The following SNTG2 variants were observed in gnomAD, a reference collection of about 807,000 sequenced individuals.
SNTG2 encodes the protein syntrophin gamma 2.
In SNTG2, 74 loss-of-function variants were observed where a neutral mutation model predicts 70.9. The ratio of observed to expected loss-of-function variants is 1.04; its 90% CI spans 0.86 to 1.27. SNTG2 has a LOEUF of 1.27. Among genes scored for constraint, SNTG2 ranks in the 50% most tolerant of loss-of-function variants. The pLI, the probability that SNTG2 is intolerant of heterozygous loss-of-function variation, is 0.00. For missense variants in SNTG2, 717 were observed against 690.7 expected, an observed-to-expected ratio of 1.04 and a Z score of -0.43; for synonymous variants, 278 against 273.8, an observed-to-expected ratio of 1.02 and a Z score of -0.15.
intron 12 of SNTG2, among the ~76,000 whole-genome samples, chr2:1,257,747 A>C (rs1572877011): frequency 6.6e-6 from 1 of 152,250 alleles, no homozygotes; most frequent in East Asian, 1.9e-4. Context: ...TGTCCATCAC[A>C]AAGATAAAGC....
intron 8 of SNTG2, among the ~76,000 whole-genome samples, chr2:1,191,708 T>C (rs1342411773): frequency 1.3e-5 from 2 of 152,106 alleles, no homozygotes; most frequent in African/African-American, 2.4e-5. Context: ...GGCAGGAGAA[T>C]CACTGGAACC....
intron 4 of SNTG2, among the ~76,000 whole-genome samples, chr2:1,101,349 C>T (rs1204736510): frequency 6.6e-6 from 1 of 152,232 alleles, no homozygotes; most frequent in Non-Finnish European, 1.5e-5. Context: ...CCTCTCCCCA[C>T]TGGGATCCAT....
intron 1 of SNTG2, among the ~76,000 whole-genome samples, chr2:973,450 G>A (rs1660809127): frequency 6.6e-6 from 1 of 151,440 alleles, no homozygotes; most frequent in African/African-American, 2.4e-5. Context: ...GTTTTGTTGA[G>A]TTTTTGCCAT....
chr2:1,185,089 G>T (rs1672164742), intron 8 of SNTG2, among the ~76,000 whole-genome samples: 1 of 152,178 alleles, frequency 6.6e-6, no homozygotes, highest in South Asian at 2.1e-4. Flanking sequence ...AGGGCTGCAG[G>T]CCCCATGCAA....
intron 6 of SNTG2, among the ~76,000 whole-genome samples, chr2:1,145,489 A>G (rs946781190): frequency 1.3e-5 from 2 of 152,226 alleles, no homozygotes; most frequent in Non-Finnish European, 2.9e-5. Context: ...AAAAAACACA[A>G]TCTGCAAAAA....
chr2:1,077,018 C>T (rs1475595047), intron 1 of SNTG2, among the ~76,000 whole-genome samples: 1 of 152,160 alleles, frequency 6.6e-6, no homozygotes, highest in African/African-American at 2.4e-5. Flanking sequence ...CTGCTTTTCA[C>T]ACATGCTTGT....
In SNTG2 at chr2:1,223,648, A is replaced by C. The variant is rs192666471; in HGVS notation, c.720-14240A>C. Among the ~76,000 whole-genome samples, 26 of 152,372 alleles carry C rather than the reference A, an allele frequency of 1.7e-4. No individual in the cohort carries two copies. In the East Asian group the frequency reaches 4.8e-3, roughly 28 times the overall value. ...CTGAAAGGGGAGAACTATCAGTGAC[A>C]TCATTCGTATTGGGCCAAATTAATC... On this transcript the variant is annotated intron_variant, in intron 9 of 16. Coordinates refer to ENST00000308624, the MANE Select transcript of SNTG2 (RefSeq NM_018968.4).
At chr2:1,034,730 T>C (rs1232924786) in intron 1 of SNTG2, among the ~76,000 whole-genome samples, 2 of 152,216 alleles carry the variant, frequency 1.3e-5, no homozygotes, top group Non-Finnish European at 2.9e-5. Flanking sequence ...CATTTTTTCA[T>C]TAGATACCTA....
intron 1 of SNTG2, among the ~76,000 whole-genome samples, chr2:1,075,956 C>A (rs1460834103): frequency 1.3e-5 from 2 of 152,188 alleles, no homozygotes; most frequent in Admixed American, 6.5e-5. Flanking sequence ...TTTTACAGAT[C>A]AGGAAGCAGA....
rs549694024 is a variant in SNTG2, at chr2:1,075,128, C to CAT, written c.73-8388_73-8387dup. On this transcript the variant is annotated intron_variant, in intron 1 of 16. Transcript: ENST00000308624. ...AAGAGTAATAACTTAGCCAAAGTCA[C>CAT]ATAACTAAGAAAAATGGATCAGATG... 2.5e-4 allele frequency among the ~76,000 whole-genome samples: 38 copies of CAT among 152,224 alleles called. 1 individual carries two copies. The highest frequency in any genetic ancestry group is 1.2e-3 in the Admixed American group (18 of 15,304).
At chr2:980,287 G>T (rs1218458404) in intron 1 of SNTG2, among the ~76,000 whole-genome samples, 1 of 152,180 alleles carries the variant, frequency 6.6e-6, no homozygotes, top group Non-Finnish European at 1.5e-5. Flanking sequence ...AAGGTGAGCA[G>T]GTGGGAGAGG....
At chr2:1,336,757 G>A (rs1260452496) in intron 16 of SNTG2, among the ~76,000 whole-genome samples, 1 of 152,134 alleles carries the variant, frequency 6.6e-6, no homozygotes, top group African/African-American at 2.4e-5. Context: ...TTGTAAAGGA[G>A]CAACTGATGG....
intron 8 of SNTG2, among the ~76,000 whole-genome samples, chr2:1,189,529 T>G (rs778549544): frequency 1.3e-5 from 2 of 151,770 alleles, no homozygotes; most frequent in African/African-American, 2.4e-5. Context: ...AATGACCAAC[T>G]GAAACACAAT....
chr2:1,255,845 TA>T (rs1678037225), intron 12 of SNTG2, among the ~76,000 whole-genome samples: 1 of 57,788 alleles, frequency 1.7e-5, no homozygotes, highest in South Asian at 4.7e-4. Flanking sequence ...TATATATAAA[TA>T]TATATAAATA....
intron 1 of SNTG2, among the ~76,000 whole-genome samples, chr2:986,927 A>G (rs1661343106): frequency 2.0e-5 from 3 of 152,394 alleles, no homozygotes; most frequent in Admixed American, 2.0e-4. Flanking sequence ...AAATGGGAAT[A>G]CTTGCAGCTA....
chr2:1,270,372 A>G (rs1678956330), intron 14 of SNTG2, among the ~76,000 whole-genome samples: 1 of 152,240 alleles, frequency 6.6e-6, no homozygotes, highest in Non-Finnish European at 1.5e-5. Context: ...TCTGTAAATG[A>G]ATTAAGTCAA....
At chr2:992,588 T>C (rs1319209381) in intron 1 of SNTG2, among the ~76,000 whole-genome samples, 1 of 152,228 alleles carries the variant, frequency 6.6e-6, no homozygotes, top group Non-Finnish European at 1.5e-5. Flanking sequence ...AGACTTCATT[T>C]CTGAATAACT....
intron 13 of SNTG2, among the ~76,000 whole-genome samples, chr2:1,265,472 TG>T (rs1372392967): frequency 1.3e-5 from 2 of 152,152 alleles, no homozygotes; most frequent in African/African-American, 2.4e-5. Context: ...ATTTGATGTC[TG>T]GATGATGCAC....
At chr2:1,034,155 G>T (rs1403458935) in intron 1 of SNTG2, among the ~76,000 whole-genome samples, 1 of 151,484 alleles carries the variant, frequency 6.6e-6, no homozygotes, top group East Asian at 1.9e-4. Flanking sequence ...CTTCAAGTGG[G>T]CCCAGTGTCT....
Sources: allele counts gnomAD v4.1 joint callset (sites outside exome capture counted in the v4.1 genomes callset), GRCh38; gene constraint gnomAD v4.1.1; transcripts MANE v1.5; gene names NCBI Gene and HGNC (gene_info 2026-07-23, HGNC 2026-07-21).